COQ10B: variants seen among roughly 807,000 people sequenced by gnomAD.
COQ10B encodes the protein coenzyme Q10B, also known as coenzyme Q-binding protein COQ10 homolog B, mitochondrial.
A neutral mutation model predicts 27.6 loss-of-function variants in COQ10B; 12 were observed. That is an observed-to-expected ratio of 0.43 (90% CI 0.28 to 0.70). COQ10B has a LOEUF of 0.70. Among genes scored for constraint, COQ10B ranks in the 30% least tolerant of loss-of-function variants. The pLI is 0.17. For missense variants in COQ10B, 278 were observed against 288.7 expected (o/e 0.96, Z 0.27); for synonymous variants, 115 against 103.0 (o/e 1.12, Z -0.71).
intron 4 of COQ10B, among the ~76,000 whole-genome samples, chr2:197,473,415 A>AT (rs1553575308): frequency 2.1e-3 from 127 of 59,450 alleles, no homozygotes; most frequent in South Asian, 4.5e-3. Context: ...AAAAAAAAAA[A>AT]ATATATATAT....
intron 1 of COQ10B, chr2:197,454,386 G>A (rs549940376): frequency 6.9e-6 from 2 of 289,978 alleles, no homozygotes; most frequent in South Asian, 1.1e-4. Context: ...ATGAATTCAG[G>A]TGTACAAAAT....
chr2:197,455,426 C>T (rs944680440), intron 1 of COQ10B, among the ~76,000 whole-genome samples: 1 of 146,994 alleles, frequency 6.8e-6, no homozygotes, highest in African/African-American at 2.5e-5. Flanking sequence ...ATGAAACCAG[C>T]GTGGACAACA....
intron 3 of COQ10B, among the ~76,000 whole-genome samples, chr2:197,463,996 TACACACAC>T (rs1241115366): frequency 3.0e-4 from 10 of 32,854 alleles, no homozygotes; most frequent in Non-Finnish European, 4.0e-4. Flanking sequence ...TATATATATA[TACACACAC>T]ACACACACAC....
At chr2:197,461,596 A>G (rs1234299093) in intron 2 of COQ10B, among the ~76,000 whole-genome samples, 1 of 140,088 alleles carries the variant, frequency 7.1e-6, no homozygotes, top group African/African-American at 2.7e-5. Context: ...TGTGTGTGTG[A>G]GGGAGGGAGA....
At chr2:197,469,023 T>TTTTTTA (rs1211442672) in intron 3 of COQ10B, among the ~76,000 whole-genome samples, 6 of 152,076 alleles carry the variant, frequency 3.9e-5, no homozygotes, top group Non-Finnish European at 8.8e-5. Flanking sequence ...AATTTTTTTA[T>TTTTTTA]TTTTTATTTT....
chr2:197,472,630 C>T (rs935553737), intron 4 of COQ10B, among the ~76,000 whole-genome samples: 2 of 151,880 alleles, frequency 1.3e-5, no homozygotes, highest in African/African-American at 4.8e-5. Flanking sequence ...ATGGTGAAAC[C>T]CCGTCTCTAC....
chr2:197,459,298 C>T (rs2085732428), intron 1 of COQ10B, among the ~76,000 whole-genome samples: 3 of 152,234 alleles, frequency 2.0e-5, no homozygotes, highest in East Asian at 1.9e-4. Flanking sequence ...TCCTGAGTAA[C>T]GGGAACTACA....
chr2:197,465,212 T>C (rs1393185403), intron 3 of COQ10B, among the ~76,000 whole-genome samples: 1 of 151,816 alleles, frequency 6.6e-6, no homozygotes, highest in African/African-American at 2.4e-5. Context: ...ATATATATTA[T>C]GCTGCTTCTA....
chr2:197,464,040 CAT>C (rs1302124731), intron 3 of COQ10B, among the ~76,000 whole-genome samples: 328 of 105,218 alleles, frequency 3.1e-3, no homozygotes, highest in African/African-American at 8.8e-3. Context: ...CATACACACA[CAT>C]ATATATATAC....
At position 197,470,133 on chromosome 2, in the gene COQ10B, C is replaced by G. The variant is rs2085863556; in HGVS notation, c.511C>G (p.Leu171Val). Residue 171 changes from leucine to valine, a missense_variant, in exon 4 of 5, where the codon CTT becomes GTT. Leu to Val is a conservative substitution (Grantham distance 32). Transcript: ENST00000263960. ...GACTATTTGGCGTTTTAGCCCAGGT[C>G]TTCCTGGCTACCCAAGAACTTGTAC... Reference protein sequence around the residue: ...LETIWRFSPGLPGYPRTCTLD... With the variant: ...LETIWRFSPGVPGYPRTCTLD... 6.2e-7 allele frequency: 1 copy of G among 1,613,118 alleles called. No homozygotes were observed.
In COQ10B at chr2:197,474,051, C is replaced by T; in HGVS notation, c.*127C>T. ...ACGCAGCTTTGGTTATAAACCTGCA[C>T]CATTGAAAATTTGCACATAGAATAT... On this transcript the variant is annotated 3_prime_UTR_variant, in exon 5 of 5. Transcript: ENST00000263960. The T allele has an allele frequency of 1.1e-5, 7 of 621,696 alleles. No individual in the cohort carries two copies. The highest frequency in any genetic ancestry group is 1.5e-5 in the Non-Finnish European group (6 of 407,146). 38.5% of individuals were successfully genotyped at this position (621,696 alleles called of 1,614,324 possible).
intron 2 of COQ10B, among the ~76,000 whole-genome samples, chr2:197,461,239 C>T (rs1157193900): frequency 2.0e-5 from 3 of 152,066 alleles, no homozygotes; most frequent in Non-Finnish European, 2.9e-5. Context: ...GGTGTGCCGT[C>T]TACTGTAGTC....
chr2:197,463,199 C>T (rs945112881), intron 3 of COQ10B, among the ~76,000 whole-genome samples: 12 of 152,094 alleles, frequency 7.9e-5, no homozygotes, highest in African/African-American at 2.2e-4. Flanking sequence ...ATAGGCATAG[C>T]GCTGTGGCTC....
chr2:197,468,155 A>G (rs2085844322), intron 3 of COQ10B, among the ~76,000 whole-genome samples: 2 of 152,086 alleles, frequency 1.3e-5, no homozygotes, highest in Admixed American at 1.3e-4. Flanking sequence ...AAGTAGTCAG[A>G]GGAGGCCGGG....
intron 2 of COQ10B, among the ~76,000 whole-genome samples, chr2:197,462,045 G>A (rs1173957554): frequency 3.3e-5 from 5 of 151,918 alleles, no homozygotes; most frequent in African/African-American, 4.8e-5. Flanking sequence ...CGAGGTGGGC[G>A]GATCACCAGG....
intron 3 of COQ10B, among the ~76,000 whole-genome samples, chr2:197,467,891 A>G (rs2106055495): frequency 6.6e-6 from 1 of 152,336 alleles, no homozygotes; most frequent in East Asian, 1.9e-4. Context: ...CAGAGAGGCA[A>G]CAGTTCAATG....
At chr2:197,465,302 T>C (rs79869799) in intron 3 of COQ10B, among the ~76,000 whole-genome samples, 1 of 150,666 alleles carries the variant, frequency 6.6e-6, no homozygotes, top group East Asian at 1.9e-4. Flanking sequence ...TTTTTTTTTT[T>C]CCTTTGAGAC....
At chr2:197,465,768 G>C (rs2085818553) in intron 3 of COQ10B, among the ~76,000 whole-genome samples, 1 of 152,022 alleles carries the variant, frequency 6.6e-6, no homozygotes, top group African/African-American at 2.4e-5. Context: ...GGGCAACATA[G>C]CAAGTAAGAC....
intron 4 of COQ10B, 48 bp downstream of exon 4, chr2:197,470,219 G>T: frequency 1.9e-6 from 2 of 1,080,798 alleles, no homozygotes; most frequent in Non-Finnish European, 2.8e-6. Flanking sequence ...AGGTAAAATT[G>T]GTAAAAAGTA....
Sources: allele counts gnomAD v4.1 joint callset (sites outside exome capture counted in the v4.1 genomes callset), GRCh38; gene constraint gnomAD v4.1.1; transcripts MANE v1.5; gene names NCBI Gene and HGNC (gene_info 2026-07-23, HGNC 2026-07-21).